CCDC3: variants seen among roughly 807,000 people sequenced by gnomAD.
CCDC3 encodes coiled-coil domain containing 3, also known as coiled-coil domain-containing protein 3.
A neutral mutation model predicts 21.4 loss-of-function variants in CCDC3; 24 were observed. The ratio of observed to expected loss-of-function variants is 1.12; its 90% CI spans 0.81 to 1.58. The LOEUF (loss-of-function observed/expected upper bound fraction) is 1.58. Ranked by LOEUF, CCDC3 falls within the 40% of genes most tolerant of loss-of-function variation. The pLI, the probability that CCDC3 is intolerant of heterozygous loss-of-function variation, is 0.00. For missense variants in CCDC3, 425 were observed against 360.9 expected (o/e 1.18, Z -1.44); for synonymous variants, 186 against 166.0 (o/e 1.12, Z -0.93).
At chr10:12,927,728 C>G (rs1288745767) in intron 2 of CCDC3, among the ~76,000 whole-genome samples, 1 of 152,226 alleles carries the variant, frequency 6.6e-6, no homozygotes, top group Non-Finnish European at 1.5e-5. Context: ...GATTGCATCT[C>G]ATTTCCCGAC....
chr10:13,059,956 G>A lies in CCDC3; in HGVS notation c.-269-10015C>T, dbSNP rs538851041. Among the ~76,000 whole-genome samples, 162 of 151,996 alleles carry A rather than the reference G, an allele frequency of 1.1e-3. 1 individual carries two copies. The highest frequency in any genetic ancestry group is 3.4e-3 in the Middle Eastern group (1 of 294). On this transcript the variant is annotated intron_variant, in intron 4 of 6. Coordinates refer to the CCDC3 transcript ENST00000378839. ...ACGAAACTTAGCCGGGCGTGATGGC[G>A]GGCTGTAATCCCAGCTACTTGGGAG...
At chr10:12,902,168 G>A (rs2131194705) in intron 2 of CCDC3, among the ~76,000 whole-genome samples, 1 of 152,314 alleles carries the variant, frequency 6.6e-6, no homozygotes, top group South Asian at 2.1e-4. Context: ...TGCTGCCCTG[G>A]CCTTTTTAGG....
chr10:12,952,805 C>A (rs1835026402), intron 2 of CCDC3, among the ~76,000 whole-genome samples: 1 of 152,190 alleles, frequency 6.6e-6, no homozygotes. Flanking sequence ...ATGCCCTTAA[C>A]CTCAACCTCT....
chr10:12,933,048 G>A (rs1219710566), intron 2 of CCDC3, among the ~76,000 whole-genome samples: 1 of 152,114 alleles, frequency 6.6e-6, no homozygotes, highest in Non-Finnish European at 1.5e-5. Context: ...TATACTGTTG[G>A]ATTTGATTTG....
chr10:13,054,607 G>A lies in CCDC3; in HGVS notation c.-269-4666C>T, dbSNP rs193234936. Among the ~76,000 whole-genome samples, 203 of 152,210 alleles carry A rather than the reference G, an allele frequency of 1.3e-3. 2 individuals carry two copies. The highest frequency in any genetic ancestry group is 1.0e-3 in the Non-Finnish European group (71 of 68,022). ...GACCTTTCAAACTCATTATGCCGAG[G>A]GGAAAAGTTAAGCCCTGGAACCCGA... is the stretch of plus-strand genomic sequence containing the variant. On this transcript the variant is annotated intron_variant, in intron 4 of 6. Coordinates refer to the CCDC3 transcript ENST00000378839.
chr10:12,924,985 C>T (rs1013903247), intron 2 of CCDC3, among the ~76,000 whole-genome samples: 5 of 152,166 alleles, frequency 3.3e-5, no homozygotes, highest in East Asian at 1.9e-4. Flanking sequence ...GTGAGCAGCC[C>T]GTGTGGACAC....
At chr10:13,041,504 ATTTTTTTTTTTTTTTTTTTT>A (rs71477255) in intron 5 of CCDC3, among the ~76,000 whole-genome samples, 123 of 62,116 alleles carry the variant, frequency 2.0e-3, no homozygotes, top group African/African-American at 9.1e-3. Context: ...CTGGCAGATA[ATTTTTTTTTTTTTTTTTTTT>A]TTTTTTTTTT....
chr10:12,978,926 G>C (rs1322802726), intron 2 of CCDC3, among the ~76,000 whole-genome samples: 1 of 152,120 alleles, frequency 6.6e-6, no homozygotes, highest in Non-Finnish European at 1.5e-5. Flanking sequence ...CAAAAGGAAA[G>C]GCAACCTTGG....
chr10:12,931,121 C>G (rs12252672), intron 2 of CCDC3, among the ~76,000 whole-genome samples: 32,206 of 143,876 alleles, frequency 0.22, 3,866 homozygotes, highest in African/African-American at 0.35. Context: ...TAAAGCAGGA[C>G]AATCACTTGA....
chr10:12,918,089 A>G (rs1040061990), intron 2 of CCDC3, among the ~76,000 whole-genome samples: 4 of 152,218 alleles, frequency 2.6e-5, no homozygotes, highest in African/African-American at 9.7e-5. Flanking sequence ...TTATTCTCCC[A>G]TATTTTATTA....
At chr10:12,967,102 C>T (rs1287823118) in intron 2 of CCDC3, among the ~76,000 whole-genome samples, 2 of 152,204 alleles carry the variant, frequency 1.3e-5, no homozygotes, top group Non-Finnish European at 2.9e-5. Context: ...CCATGCCCCT[C>T]TCCACCTTCT....
rs1384129895 is a variant in CCDC3, at chr10:12,897,632, G to C, written c.*784C>G. 3 of 152,222 alleles carry C rather than the reference G, an allele frequency of 2.0e-5. No homozygotes were observed. Among genetic ancestry groups the C allele is most frequent in the African/African-American group, 7.2e-5 (3 of 41,448 alleles). The allele number at this position is 152,222 out of a possible 1,614,324, so 9.4% of individuals were successfully genotyped here. A position where few individuals can be genotyped will look rare whatever the true frequency, so the allele number is the denominator to read the frequency against. On this transcript the variant is annotated 3_prime_UTR_variant, in exon 3 of 3. Coordinates refer to ENST00000378825, the MANE Select transcript of CCDC3 (RefSeq NM_031455.4). Reference sequence around the variant, plus strand: ...AACAAGAAGTTAGACTATAGCAGTGGCTGAGAGATTGCTCAGTTTCTCTCA... The same window carrying C: ...AACAAGAAGTTAGACTATAGCAGTGCCTGAGAGATTGCTCAGTTTCTCTCA...
intron 2 of CCDC3, among the ~76,000 whole-genome samples, chr10:12,953,431 T>C (rs1362941082): frequency 6.6e-6 from 1 of 152,102 alleles, no homozygotes; most frequent in Non-Finnish European, 1.5e-5. Context: ...CAATACTACA[T>C]CTGTAGGGAT....
chr10:13,086,282 ATTTGTAAG>A (rs1215148278), intron 3 of CCDC3, among the ~76,000 whole-genome samples: 1 of 152,214 alleles, frequency 6.6e-6, no homozygotes, highest in Non-Finnish European at 1.5e-5. Flanking sequence ...GAAACCCAAA[ATTTGTAAG>A]TTTCAAATGC....
intron 3 of CCDC3, among the ~76,000 whole-genome samples, chr10:13,090,059 A>AGG (rs1458462580): frequency 2.2e-5 from 3 of 136,108 alleles, no homozygotes. Context: ...ATATATATAT[A>AGG]TATATATATA....
Position 12,898,564 on chromosome 10 carries a change from T to G in CCDC3, c.665A>C (p.Lys222Thr). 1 of 1,614,240 alleles carries G rather than the reference T, an allele frequency of 6.2e-7. No homozygotes were observed. Among genetic ancestry groups the G allele is most frequent in the Non-Finnish European group, 8.5e-7 (1 of 1,180,040 alleles). The change falls in exon 3 of 3, where the codon AAG becomes ACG. Residue 222 changes from lysine to threonine, a missense_variant. By Grantham distance (78) the Lys-to-Thr change is moderately conservative. Transcript: ENST00000378825. Reference sequence around the variant, plus strand: ...CTGCCGCAAGGACCTCTTGACCTTCTTCACTCGCTCCCGGAGCTGCCGGTT... The same window carrying G: ...CTGCCGCAAGGACCTCTTGACCTTCGTCACTCGCTCCCGGAGCTGCCGGTT... ...KRNRQLRERV[K>T]KVKRSLRQAR... is the part of the protein sequence containing the mutation.
intron 5 of CCDC3, among the ~76,000 whole-genome samples, chr10:13,036,201 C>T (rs974076098): frequency 6.6e-6 from 1 of 152,012 alleles, no homozygotes; most frequent in Non-Finnish European, 1.5e-5. Context: ...TGAAGTAATA[C>T]AGAAAAGGAG....
intron 5 of CCDC3, among the ~76,000 whole-genome samples, chr10:13,035,090 C>G (rs1205672506): frequency 6.6e-6 from 1 of 151,526 alleles, no homozygotes; most frequent in Non-Finnish European, 1.5e-5. Context: ...GAGGAAACCC[C>G]TACGAAGCCC....
intron 2 of CCDC3, among the ~76,000 whole-genome samples, chr10:12,936,341 A>C (rs1479017420): frequency 2.6e-5 from 4 of 151,870 alleles, no homozygotes; most frequent in Admixed American, 2.6e-4. Context: ...TGTATATGTA[A>C]GCTGTTTTCT....
Sources: allele counts gnomAD v4.1 joint callset (sites outside exome capture counted in the v4.1 genomes callset), GRCh38; gene constraint gnomAD v4.1.1; transcripts MANE v1.5; gene names NCBI Gene and HGNC (gene_info 2026-07-23, HGNC 2026-07-21).